The following ACCSL variants were observed in gnomAD, a reference collection of about 807,000 sequenced individuals.
ACCSL encodes the protein 1-aminocyclopropane-1-carboxylate synthase homolog (inactive) like.
In ACCSL, 55 loss-of-function variants were observed where a neutral mutation model predicts 61.7. The observed-to-expected ratio is 0.89, with a 90% CI of 0.72 to 1.12. The LOEUF is 1.12. Ranked by LOEUF, ACCSL falls within the 50% of genes most tolerant of loss-of-function variation. The pLI, the probability that ACCSL is intolerant of heterozygous loss-of-function variation, is 0.00. For missense variants in ACCSL, 632 were observed against 698.0 expected (o/e 0.91, Z 1.07); for synonymous variants, 258 against 264.3 (o/e 0.98, Z 0.23).
At chr11:43,991,168 C>T in the ACCSL span, among the ~76,000 whole-genome samples, 1 of 152,170 alleles carries the variant, frequency 6.6e-6, no homozygotes. Context: ...GGGCTTACTA[C>T]ATGCCAGGCC....
the ACCSL span, among the ~76,000 whole-genome samples, chr11:44,013,764 CA>C: frequency 2.6e-5 from 4 of 152,010 alleles, no homozygotes; most frequent in East Asian, 7.7e-4. Flanking sequence ...AAAACAAAAA[CA>C]AAAAAACAGG....
At chr11:44,052,933 A>C (rs1952648861) in intron 6 of ACCSL, 58 bp from the exon 7 acceptor site, 2 of 1,556,088 alleles carry the variant, frequency 1.3e-6, no homozygotes, top group East Asian at 2.2e-5. Context: ...GCTTATGGGA[A>C]TGAGGAATCA....
chr11:43,993,288 C>T, the ACCSL span, among the ~76,000 whole-genome samples: 1 of 152,062 alleles, frequency 6.6e-6, no homozygotes, highest in Non-Finnish European at 1.5e-5. Flanking sequence ...TCCGTGCATC[C>T]CATGGGGTCG....
chr11:44,009,206 C>T, the ACCSL span, among the ~76,000 whole-genome samples: 1 of 151,896 alleles, frequency 6.6e-6, no homozygotes, highest in Non-Finnish European at 1.5e-5. Flanking sequence ...GCCTAGTGCT[C>T]CATAAATGGA....
the ACCSL span, among the ~76,000 whole-genome samples, chr11:43,981,812 T>A: frequency 6.6e-6 from 1 of 152,204 alleles, no homozygotes; most frequent in African/African-American, 2.4e-5. Flanking sequence ...GGTCAAGGTT[T>A]CCAGGGAGAT....
the ACCSL span, among the ~76,000 whole-genome samples, chr11:44,013,761 A>G: frequency 3.3e-5 from 5 of 151,926 alleles, no homozygotes; most frequent in Admixed American, 3.3e-4. Flanking sequence ...TCAAAAACAA[A>G]AACAAAAAAA....
chr11:43,987,954 G>A, the ACCSL span, among the ~76,000 whole-genome samples: 1,044 of 151,978 alleles, frequency 6.9e-3, 13 homozygotes, highest in African/African-American at 0.024. Flanking sequence ...ATTTTCCTGG[G>A]CCAAGAACTG....
chr11:44,010,769 G>A, the ACCSL span, among the ~76,000 whole-genome samples: 3 of 152,162 alleles, frequency 2.0e-5, no homozygotes, highest in Non-Finnish European at 4.4e-5. Context: ...TGTCTGGTCT[G>A]GAAAATGGCA....
the ACCSL span, among the ~76,000 whole-genome samples, chr11:43,978,362 A>G: frequency 1.3e-5 from 2 of 152,148 alleles, no homozygotes; most frequent in Admixed American, 1.3e-4. Flanking sequence ...CATTTTGTAT[A>G]ATGTTTTTGA....
At chr11:44,058,100 G>A (rs368484381) in intron 11 of ACCSL, among the ~76,000 whole-genome samples, 10 of 152,370 alleles carry the variant, frequency 6.6e-5, no homozygotes, top group African/African-American at 2.4e-4. Flanking sequence ...TTGAGCCAAG[G>A]AGGTGGAGAT....
upstream of ACCSL, among the ~76,000 whole-genome samples, chr11:44,045,499 C>T (rs56138773): frequency 0.079 from 11,950 of 152,226 alleles, 481 homozygotes; most frequent in Non-Finnish European, 0.09. Context: ...AAACGCATTA[C>T]TTTCAGTTAC....
At chr11:43,942,478 C>T in the ACCSL span, 1 of 213,658 alleles carries the variant, frequency 4.7e-6, no homozygotes, top group Non-Finnish European at 9.8e-6. Context: ...GGGCGGGCGG[C>T]GCCGGGGAAG....
chr11:44,053,332 A>G (rs1952651219), intron 7 of ACCSL, 74 bp from the exon 8 acceptor site: 1 of 1,496,220 alleles, frequency 6.7e-7, no homozygotes, highest in East Asian at 2.3e-5. Flanking sequence ...CCTAACCTAT[A>G]AAAGATCCTT....
chr11:43,987,718 G>A, the ACCSL span, among the ~76,000 whole-genome samples: 2 of 152,242 alleles, frequency 1.3e-5, no homozygotes, highest in Non-Finnish European at 2.9e-5. Flanking sequence ...AGGAGGAGGA[G>A]GCATCACAGA....
the ACCSL span, among the ~76,000 whole-genome samples, chr11:44,024,482 T>C: frequency 6.7e-6 from 1 of 148,162 alleles, no homozygotes; most frequent in Non-Finnish European, 1.5e-5. Context: ...TGTGTGTGTG[T>C]GTATACATCC....
chr11:43,930,257 C>G, the ACCSL span, among the ~76,000 whole-genome samples: 1 of 152,200 alleles, frequency 6.6e-6, no homozygotes, highest in Non-Finnish European at 1.5e-5. Flanking sequence ...GATCTTTGTC[C>G]TGCCTCTGGC....
the ACCSL span, among the ~76,000 whole-genome samples, chr11:43,922,887 CA>C: frequency 2.6e-5 from 4 of 152,212 alleles, no homozygotes; most frequent in African/African-American, 9.6e-5. Flanking sequence ...TTCTTTATAA[CA>C]GGCAACTTGC....
chr11:43,948,813 C>T, the ACCSL span, among the ~76,000 whole-genome samples: 83,094 of 152,020 alleles, frequency 0.55, 22,846 homozygotes, highest in East Asian at 0.69. Flanking sequence ...CTTGGCAGCT[C>T]TCCTGCTACA....
At chr11:44,051,523 A>G in intron 4 of ACCSL, 119 bp downstream of exon 4, 1 of 1,528,522 alleles carries the variant, frequency 6.5e-7, no homozygotes, top group Middle Eastern at 1.7e-4. Flanking sequence ...CCAGGGCAGC[A>G]TGAAGGCCAA....
Sources: allele counts gnomAD v4.1 joint callset (sites outside exome capture counted in the v4.1 genomes callset), GRCh38; gene constraint gnomAD v4.1.1; transcripts MANE v1.5; gene names NCBI Gene and HGNC (gene_info 2026-07-23, HGNC 2026-07-21).